Variants in NDUFAF6 observed in about 807,000 individuals in gnomAD.
The protein encoded by NDUFAF6 is NADH:ubiquinone oxidoreductase complex assembly factor 6, also known as NADH dehydrogenase (ubiquinone) complex I, assembly factor 6.
NDUFAF6 carries 45 observed loss-of-function variants against 40.8 expected under a neutral mutation model. The observed-to-expected ratio is 1.10, with a 90% confidence interval of 0.87 to 1.42. The LOEUF (loss-of-function observed/expected upper bound fraction) is 1.42, where lower values mean the gene tolerates loss of function less well. Among genes scored for constraint, NDUFAF6 ranks in the 40% most tolerant of loss-of-function variants. NDUFAF6 has a pLI of 0.00. For missense variants in NDUFAF6, 435 were observed against 418.5 expected, an observed-to-expected ratio of 1.04 and a Z score of -0.34; for synonymous variants, 185 against 155.9, an observed-to-expected ratio of 1.19 and a Z score of -1.39.
At chr8:95,054,583 C>T (rs1003000557) in intron 8 of NDUFAF6, among the ~76,000 whole-genome samples, 16 of 151,920 alleles carry the variant, frequency 1.1e-4, no homozygotes, top group African/African-American at 3.4e-4. Context: ...TACAGGCATG[C>T]GCCACCATGC....
At chr8:95,025,936 C>A (rs1828065222) in intron 1 of NDUFAF6, among the ~76,000 whole-genome samples, 1 of 152,172 alleles carries the variant, frequency 6.6e-6, no homozygotes, top group African/African-American at 2.4e-5. Context: ...GGAATCCAGG[C>A]CTGACTGCTG....
intron 1 of NDUFAF6, chr8:94,927,627 T>G (rs1221959138): frequency 6.6e-6 from 1 of 152,168 alleles, no homozygotes; most frequent in African/African-American, 2.4e-5. Flanking sequence ...ATTTTCACCT[T>G]ACAGTGCAGT....
intron 1 of NDUFAF6, among the ~76,000 whole-genome samples, chr8:94,904,957 T>G (rs1169483205): frequency 6.6e-6 from 1 of 152,202 alleles, no homozygotes; most frequent in Non-Finnish European, 1.5e-5. Context: ...CCCAGCACTT[T>G]GGGAGGCCAA....
chr8:94,960,185 A>T (rs1823449971), intron 1 of NDUFAF6, among the ~76,000 whole-genome samples: 1 of 152,200 alleles, frequency 6.6e-6, no homozygotes, highest in Admixed American at 6.5e-5. Context: ...CTTTATAGAG[A>T]TAAAATTGAC....
chr8:95,069,364 G>A (rs1261061628), intron 9 of NDUFAF6: 1 of 151,866 alleles, frequency 6.6e-6, no homozygotes, highest in African/African-American at 2.4e-5. Flanking sequence ...AAAACTACGG[G>A]GGGTAAGAGT....
At chr8:95,022,879 G>A (rs897509486), upstream of NDUFAF6, among the ~76,000 whole-genome samples, 1 of 152,116 alleles carries the variant, frequency 6.6e-6, no homozygotes, top group Non-Finnish European at 1.5e-5. Context: ...TCCCCCTCAC[G>A]TGTCATGGCA....
downstream of NDUFAF6, among the ~76,000 whole-genome samples, chr8:95,107,800 T>G (rs961137058): frequency 2.0e-5 from 3 of 152,228 alleles, no homozygotes; most frequent in African/African-American, 7.2e-5. Flanking sequence ...AGAATGAGTC[T>G]GCCTTTCAGG....
At chr8:95,004,630 G>A (rs987768442) in intron 2 of NDUFAF6, among the ~76,000 whole-genome samples, 3 of 152,106 alleles carry the variant, frequency 2.0e-5, no homozygotes, top group Non-Finnish European at 4.4e-5. Context: ...GATTACAGGC[G>A]TGAGCCACCA....
At chr8:95,008,832 A>G (rs1410893838) in intron 2 of NDUFAF6, among the ~76,000 whole-genome samples, 1 of 152,140 alleles carries the variant, frequency 6.6e-6, no homozygotes, top group African/African-American at 2.4e-5. Flanking sequence ...TAATATTTAA[A>G]CTGAAAAACA....
chr8:95,008,609 C>G (rs1366423058), intron 2 of NDUFAF6, among the ~76,000 whole-genome samples: 1 of 152,162 alleles, frequency 6.6e-6, no homozygotes, highest in Non-Finnish European at 1.5e-5. Context: ...TGGGTTCAAA[C>G]GATTCTTCTG....
At chr8:94,998,379 TACACACAC>T (rs200968954) in intron 2 of NDUFAF6, among the ~76,000 whole-genome samples, 2,214 of 138,406 alleles carry the variant, frequency 0.016, 45 homozygotes, top group Middle Eastern at 0.051. Flanking sequence ...TGCAATCAAA[TACACACAC>T]ACACACACAC....
intron 8 of NDUFAF6, 140 bp downstream of exon 8, chr8:95,052,370 T>C (rs1831534678): frequency 1.1e-6 from 1 of 880,578 alleles, no homozygotes; most frequent in Admixed American, 2.2e-5. Context: ...CGGCTTTCAT[T>C]AGTTACTGAT....
chr8:94,915,524 T>G (rs1469632174), intron 1 of NDUFAF6, among the ~76,000 whole-genome samples: 2 of 152,266 alleles, frequency 1.3e-5, no homozygotes, highest in African/African-American at 4.8e-5. Flanking sequence ...AGTGCTGTGA[T>G]GAACATGCGA....
chr8:94,999,072 A>G (rs896194478), intron 2 of NDUFAF6, among the ~76,000 whole-genome samples: 2 of 151,592 alleles, frequency 1.3e-5, no homozygotes, highest in Non-Finnish European at 2.9e-5. Context: ...GTCATAAAAC[A>G]TTTAATATTT....
chr8:94,916,282 C>G (rs911823628), intron 1 of NDUFAF6, among the ~76,000 whole-genome samples: 5 of 152,300 alleles, frequency 3.3e-5, no homozygotes, highest in Middle Eastern at 6.8e-3. Flanking sequence ...ACAACAGAGG[C>G]AAGCCATGCC....
At chr8:95,004,851 A>G (rs1224243315) in intron 2 of NDUFAF6, among the ~76,000 whole-genome samples, 1 of 152,222 alleles carries the variant, frequency 6.6e-6, no homozygotes, top group Non-Finnish European at 1.5e-5. Flanking sequence ...CTGTGAGGGC[A>G]GGAATTCTAT....
At chr8:94,899,099 A>G (rs1817848726) in intron 1 of NDUFAF6, among the ~76,000 whole-genome samples, 1 of 152,232 alleles carries the variant, frequency 6.6e-6, no homozygotes, top group Non-Finnish European at 1.5e-5. Context: ...AGGTTTCACC[A>G]TGTTGGTCAG....
intron 1 of NDUFAF6, among the ~76,000 whole-genome samples, chr8:94,912,728 G>C (rs1818865068): frequency 6.6e-6 from 1 of 150,652 alleles, no homozygotes; most frequent in Non-Finnish European, 1.5e-5. Flanking sequence ...CAGGAGAATG[G>C]CGTGAACCCG....
chr8:94,942,744 A>G (rs1454657304), intron 1 of NDUFAF6, among the ~76,000 whole-genome samples: 1 of 152,190 alleles, frequency 6.6e-6, no homozygotes, highest in African/African-American at 2.4e-5. Context: ...GGACTCCTGC[A>G]ATGACTTTAC....
Sources: gnomAD v4.1 joint callset for allele counts (sites outside exome capture counted in the v4.1 genomes callset) on GRCh38, gnomAD v4.1.1 for gene constraint, MANE v1.5 for transcripts, NCBI Gene and HGNC (gene_info 2026-07-23, HGNC 2026-07-21) for gene names.